PPP2R2B: variants seen among roughly 807,000 people sequenced by gnomAD.
PPP2R2B encodes the protein protein phosphatase 2 regulatory subunit Bbeta.
Under a neutral mutation model 46.0 loss-of-function variants are expected in PPP2R2B, and 5 were observed. The observed-to-expected ratio is 0.11, with a 90% CI of 0.06 to 0.23. The LOEUF is 0.23. PPP2R2B is among the 10% of genes least tolerant of loss of function. The pLI, the probability that PPP2R2B is intolerant of heterozygous loss-of-function variation, is 1.00. For synonymous variants in PPP2R2B, 215 were observed against 206.7 expected, an observed-to-expected ratio of 1.04 and a Z score of -0.34; for missense variants, 367 against 575.0, an observed-to-expected ratio of 0.64 and a Z score of 3.70.
Position 146,590,398 on chromosome 5 carries a change from G to GTTT in PPP2R2B, c.1053-175_1053-173dup, listed in dbSNP as rs1221281341. 1.7e-3 allele frequency among the ~76,000 whole-genome samples: 192 copies of GTTT among 113,392 alleles called. 4 individuals are homozygous for GTTT. The highest frequency in any genetic ancestry group is 4.0e-3 in the African/African-American group (122 of 30,778). 74.4% of individuals were successfully genotyped at this position (113,392 alleles called of 152,430 possible). Reference sequence around the variant, plus strand: ...TATTGGCTTTTTGTTTTTTTTTTGTGTTTTTTTTTTTTTTTTTTGAATCAC... The same window carrying GTTT: ...TATTGGCTTTTTGTTTTTTTTTTGTGTTTTTTTTTTTTTTTTTTTTTGAATCAC... On this transcript the variant is annotated intron_variant, in intron 9 of 9. Coordinates refer to ENST00000394411, the MANE Select transcript of PPP2R2B (RefSeq NM_181675.4).
chr5:146,758,848 T>C (rs1401787067), intron 2 of PPP2R2B, among the ~76,000 whole-genome samples: 1 of 152,200 alleles, frequency 6.6e-6, no homozygotes, highest in Non-Finnish European at 1.5e-5. Context: ...GCTACATTTA[T>C]GATAGCACAG....
At chr5:146,878,979 C>T (rs375324860), upstream of PPP2R2B, 107 of 1,076,120 alleles carry the variant, frequency 9.9e-5, 3 homozygotes, top group East Asian at 1.4e-3. The surrounding 1 kb of genome is among the most constrained non-coding windows in gnomAD (Gnocchi z 4.5). Context: ...ACCTCCTCCC[C>T]TCTCGCGCCA....
chr5:146,817,876 A>T (rs1345889166), intron 2 of PPP2R2B, among the ~76,000 whole-genome samples: 2 of 152,258 alleles, frequency 1.3e-5, no homozygotes, highest in African/African-American at 4.8e-5. Flanking sequence ...TTATCAAATC[A>T]GTTCATGACT....
At chr5:146,811,343 C>G (rs981428335) in intron 2 of PPP2R2B, among the ~76,000 whole-genome samples, 1 of 152,138 alleles carries the variant, frequency 6.6e-6, no homozygotes. Flanking sequence ...TTTTCCTTGG[C>G]TCATCACTCC....
chr5:146,676,603 C>A (rs188732068), intron 5 of PPP2R2B, among the ~76,000 whole-genome samples: 16 of 152,242 alleles, frequency 1.1e-4, no homozygotes, highest in African/African-American at 3.6e-4. Context: ...CAAATTCTCC[C>A]CATCATCTGC....
At chr5:146,917,669 C>T (rs1402745318) in intron 1 of PPP2R2B, among the ~76,000 whole-genome samples, 1 of 152,104 alleles carries the variant, frequency 6.6e-6, no homozygotes, top group East Asian at 1.9e-4. Context: ...CTTCTGCCTC[C>T]CAGTTAATAT....
At chr5:146,896,493 G>A (rs1233301055) in intron 1 of PPP2R2B, among the ~76,000 whole-genome samples, 1 of 152,068 alleles carries the variant, frequency 6.6e-6, no homozygotes, top group East Asian at 1.9e-4. Context: ...TACATACTAA[G>A]TATTTATCAA....
upstream of PPP2R2B, among the ~76,000 whole-genome samples, chr5:146,880,864 AGATTGG>A (rs1217883612): frequency 2.6e-5 from 4 of 152,202 alleles, no homozygotes; most frequent in Admixed American, 6.5e-5. Flanking sequence ...CTGAGAAGGC[AGATTGG>A]ATAGGTCTCC....
intron 2 of PPP2R2B, among the ~76,000 whole-genome samples, chr5:146,814,873 T>G (rs929932875): frequency 2.0e-5 from 3 of 152,218 alleles, no homozygotes; most frequent in African/African-American, 7.2e-5. Flanking sequence ...CTTGGCCCTC[T>G]TCCAAGTGCA....
intron 2 of PPP2R2B, among the ~76,000 whole-genome samples, chr5:146,818,977 T>C (rs1758096912): frequency 6.6e-6 from 1 of 152,204 alleles, no homozygotes; most frequent in South Asian, 2.1e-4. Context: ...CTCTTTCCCC[T>C]ACCCTCAAGA....
chr5:147,073,102 C>T (rs970031415), intron 2 of PPP2R2B, among the ~76,000 whole-genome samples: 4 of 152,214 alleles, frequency 2.6e-5, no homozygotes, highest in Admixed American at 6.5e-5. Context: ...CTGGCCTCAT[C>T]GTCCAGCCCA....
intron 1 of PPP2R2B, among the ~76,000 whole-genome samples, chr5:146,928,025 C>T (rs755506872): frequency 6.6e-6 from 1 of 152,126 alleles, no homozygotes; most frequent in Non-Finnish European, 1.5e-5. Context: ...CAGGCCTGAG[C>T]CACCACACCT....
At chr5:146,897,726 A>T (rs988710172) in intron 1 of PPP2R2B, among the ~76,000 whole-genome samples, 1 of 152,192 alleles carries the variant, frequency 6.6e-6, no homozygotes, top group Non-Finnish European at 1.5e-5. Context: ...CCTAATTTGT[A>T]TGTGCAGAAA....
chr5:146,990,228 A>G (rs1753633672), intron 1 of PPP2R2B, among the ~76,000 whole-genome samples: 1 of 151,902 alleles, frequency 6.6e-6, no homozygotes, highest in Admixed American at 6.6e-5. Context: ...ATAGAAAAAC[A>G]ATCTTAAAAT....
At chr5:146,711,929 C>T (rs1194903632) in intron 2 of PPP2R2B, among the ~76,000 whole-genome samples, 1 of 152,124 alleles carries the variant, frequency 6.6e-6, no homozygotes, top group Non-Finnish European at 1.5e-5. Flanking sequence ...CAAGGAAACA[C>T]ATCTCAGCCA....
chr5:146,915,791 T>C (rs748959427), intron 1 of PPP2R2B, among the ~76,000 whole-genome samples: 5 of 152,192 alleles, frequency 3.3e-5, no homozygotes, highest in Admixed American at 2.6e-4. Flanking sequence ...GCCCAAATTC[T>C]TGTGCTTGCC....
intron 7 of PPP2R2B, among the ~76,000 whole-genome samples, chr5:146,634,295 T>C (rs1254237929): frequency 6.6e-6 from 1 of 152,160 alleles, no homozygotes; most frequent in African/African-American, 2.4e-5. Flanking sequence ...TGGAATTGAA[T>C]GGAAACACTG....
chr5:147,003,193 C>T (rs1379325092), intron 1 of PPP2R2B, among the ~76,000 whole-genome samples: 1 of 152,144 alleles, frequency 6.6e-6, no homozygotes, highest in African/African-American at 2.4e-5. Context: ...AGGAGGACCT[C>T]TCAGCTTACC....
intron 5 of PPP2R2B, among the ~76,000 whole-genome samples, chr5:146,685,103 T>A (rs35073767): frequency 6.6e-6 from 1 of 152,094 alleles, no homozygotes; most frequent in African/African-American, 2.4e-5. Flanking sequence ...TAGTAGACAC[T>A]GAGATACAAA....
Sources: gnomAD v4.1 joint callset for allele counts (sites outside exome capture counted in the v4.1 genomes callset) on GRCh38, gnomAD v4.1.1 for gene constraint, Gnocchi (gnomAD v3.1) non-coding constraint, MANE v1.5 for transcripts, NCBI Gene and HGNC (gene_info 2026-07-23, HGNC 2026-07-21) for gene names.